The following ADCY7 variants were observed in gnomAD, a reference collection of about 807,000 sequenced individuals.
ADCY7 encodes the protein adenylate cyclase 7.
Under a neutral mutation model 120.6 loss-of-function variants are expected in ADCY7, and 72 were observed. The observed-to-expected ratio is 0.60, with a 90% CI of 0.49 to 0.73. The LOEUF is 0.73. Among genes scored for constraint, ADCY7 ranks in the 30% least tolerant of loss-of-function variants. The pLI, the probability that ADCY7 is intolerant of heterozygous loss-of-function variation, is 0.00. For missense variants in ADCY7, 1,227 were observed against 1,486.0 expected, an observed-to-expected ratio of 0.83 and a Z score of 2.87; for synonymous variants, 661 against 628.0, an observed-to-expected ratio of 1.05 and a Z score of -0.78.
chr16:50,317,627 T>TGTAA lies in ADCY7; in HGVS notation c.*2127_*2130dup, dbSNP rs1418806420. On this transcript the variant is annotated 3_prime_UTR_variant, in exon 26 of 26. Transcript: ENST00000673801. ...GTGCTGTGCTCAGATAATAATAGTT[T>TGTAA]GTAAGTAAAAGTTTTTAGTTTTCAG... The TGTAA allele has an allele frequency of 2.6e-5, 4 of 152,382 alleles. No individual in the cohort carries two copies. The highest frequency in any genetic ancestry group is 5.9e-5 in the Non-Finnish European group (4 of 68,042). 9.4% of individuals were successfully genotyped at this position (152,382 alleles called of 1,614,324 possible). A position where few individuals can be genotyped will look rare whatever the true frequency, so the allele number is the denominator to read the frequency against.
chr16:50,312,218 G>T (rs758885097), intron 21 of ADCY7, 27 bp downstream of exon 21: 4 of 1,612,622 alleles, frequency 2.5e-6, no homozygotes, highest in Admixed American at 3.3e-5. Flanking sequence ...CTGGGGCGGG[G>T]GCAGGGAGGC....
chr16:50,303,429 G>A (rs1274311329), intron 10 of ADCY7, among the ~76,000 whole-genome samples: 1 of 152,142 alleles, frequency 6.6e-6, no homozygotes, highest in Admixed American at 6.5e-5. Context: ...TGGGGCCCTA[G>A]GAGACAGGAC....
upstream of ADCY7, among the ~76,000 whole-genome samples, chr16:50,262,731 T>A (rs73579704): frequency 0.022 from 3,348 of 152,178 alleles, 113 homozygotes; most frequent in African/African-American, 0.077. Flanking sequence ...CAGTTTTGTG[T>A]CCCTAGCACC....
Position 50,308,805 on chromosome 16 carries a change from G to A in ADCY7, c.2061+13G>A. 1.9e-6 allele frequency: 3 copies of A among 1,600,186 alleles called. No homozygotes were observed. Among genetic ancestry groups the A allele is most frequent in the Non-Finnish European group, 2.6e-6 (3 of 1,174,020 alleles). On this transcript the variant is annotated intron_variant, in intron 17 of 25. Coordinates refer to ENST00000673801, the MANE Select transcript of ADCY7 (RefSeq NM_001114.5). ...CATCATCAACCTGGTGGGTCCCGTG[G>A]TGGGGAGGCAGGCCTCCGGGGTAGA...
rs147083789 is a variant in ADCY7, at chr16:50,313,417, AAAC to A, written c.2751+399_2751+401del. 5.7e-3 allele frequency: 1,006 copies of A among 175,866 alleles called. 9 individuals are homozygous for A. The highest frequency in any genetic ancestry group is 0.03 in the Middle Eastern group (11 of 368). 10.9% of individuals were successfully genotyped at this position (175,866 alleles called of 1,614,324 possible). ...GGGCAACAGTACACAACTCTGTCTC[AAAC>A]AACAACAACAACAACAAAAAAAAAA... On this transcript the variant is annotated intron_variant, in intron 22 of 25. Coordinates refer to ENST00000673801, the MANE Select transcript of ADCY7 (RefSeq NM_001114.5).
intron 17 of ADCY7, chr16:50,309,312 C>G (rs2036291430): frequency 1.0e-5 from 5 of 500,810 alleles, no homozygotes; most frequent in Non-Finnish European, 1.8e-5. Flanking sequence ...GCCCCTCCCC[C>G]TGGCTGCTGC....
chr16:50,296,731 T>C (rs1412023455), intron 7 of ADCY7, among the ~76,000 whole-genome samples: 2 of 152,190 alleles, frequency 1.3e-5, no homozygotes, highest in African/African-American at 4.8e-5. Flanking sequence ...AGGCAAGTTA[T>C]GACTTCACAC....
intron 1 of ADCY7, among the ~76,000 whole-genome samples, chr16:50,276,471 C>T (rs1382071675): frequency 1.3e-5 from 2 of 152,240 alleles, no homozygotes; most frequent in African/African-American, 4.8e-5. Context: ...ACACTGCTTG[C>T]ATCACCCCCA....
chr16:50,312,378 G>T (rs1263676291), intron 21 of ADCY7, among the ~76,000 whole-genome samples, 187 bp downstream of exon 21: 1 of 152,190 alleles, frequency 6.6e-6, no homozygotes, highest in Non-Finnish European at 1.5e-5. Context: ...AGGGACCTGG[G>T]CTCAAGTGTG....
Position 50,315,665 on chromosome 16 carries a change from AC to A in ADCY7, c.*162del. ...ACTGGAGGATTTCTCAGACACATGC[AC>A]CAGATTCTGGCTCGAAGCAGCCACT... On this transcript the variant is annotated 3_prime_UTR_variant, in exon 26 of 26. Coordinates refer to ENST00000673801, the MANE Select transcript of ADCY7 (RefSeq NM_001114.5). 1.1e-6 allele frequency: 1 copy of A among 905,054 alleles called. No homozygotes were observed. Among genetic ancestry groups the A allele is most frequent in the Non-Finnish European group, 1.6e-6 (1 of 617,160 alleles). 56.1% of individuals were successfully genotyped at this position (905,054 alleles called of 1,614,324 possible).
chr16:50,292,570 G>T, intron 4 of ADCY7, 106 bp from the exon 5 acceptor site: 1 of 1,408,588 alleles, frequency 7.1e-7, no homozygotes, highest in Non-Finnish European at 9.7e-7. Flanking sequence ...TGGGTTGAAG[G>T]TCAGGGAATG....
At position 50,315,674 on chromosome 16, in the gene ADCY7, T is replaced by C; in HGVS notation, c.*169T>C. 1.2e-6 allele frequency: 1 copy of C among 841,488 alleles called. No individual in the cohort carries two copies. The allele number at this position is 841,488 out of a possible 1,614,324, so 52.1% of individuals were successfully genotyped here. On this transcript the variant is annotated 3_prime_UTR_variant, in exon 26 of 26. Coordinates refer to ENST00000673801, the MANE Select transcript of ADCY7 (RefSeq NM_001114.5). ...TTTCTCAGACACATGCACCAGATTC[T>C]GGCTCGAAGCAGCCACTGAGCCATA...
At chr16:50,253,036 G>A (rs984654598) in intron 1 of ADCY7, among the ~76,000 whole-genome samples, 2 of 152,106 alleles carry the variant, frequency 1.3e-5, no homozygotes, top group African/African-American at 2.4e-5. Flanking sequence ...GTGTGGAGTT[G>A]GGGGTCAGGG....
In ADCY7 at chr16:50,305,638, G is replaced by A. The variant is rs373204658; in HGVS notation, c.1679+52G>A. The A allele has an allele frequency of 3.1e-4, 480 of 1,555,684 alleles. 1 individual carries two copies. In the Middle Eastern group the frequency reaches 7.7e-3, roughly 25 times the overall value. On this transcript the variant is annotated intron_variant, in intron 13 of 25. Coordinates refer to ENST00000673801, the MANE Select transcript of ADCY7 (RefSeq NM_001114.5). The stretch of plus-strand genomic sequence containing the variant: ...CCCTCTCCTCTCCCCCTCGGATAGG[G>A]GTCCCCTATATGGGCAGGCCCATCT...
chr16:50,260,895 C>T (rs1028756809), intron 1 of ADCY7, among the ~76,000 whole-genome samples: 2 of 152,162 alleles, frequency 1.3e-5, no homozygotes, highest in African/African-American at 4.8e-5. Context: ...TCAGAAGCCG[C>T]ATATTGTGGT....
At chr16:50,313,112 C>G in intron 22 of ADCY7, 76 bp downstream of exon 22, 2 of 1,574,788 alleles carry the variant, frequency 1.3e-6, no homozygotes, top group Non-Finnish European at 1.7e-6. Context: ...ACCTGCCATC[C>G]TAAAACCCAA....
At chr16:50,276,534 A>C (rs996314861) in intron 1 of ADCY7, among the ~76,000 whole-genome samples, 4 of 152,202 alleles carry the variant, frequency 2.6e-5, no homozygotes, top group Non-Finnish European at 5.9e-5. Flanking sequence ...CCTTTTGTTA[A>C]AATGAGGAAA....
intron 6 of ADCY7, 41 bp downstream of exon 6, chr16:50,293,543 G>A: frequency 6.2e-7 from 1 of 1,602,932 alleles, no homozygotes; most frequent in Non-Finnish European, 8.5e-7. Context: ...CCGGGGACTG[G>A]GCCCACCGTT....
chr16:50,302,342 C>T (rs562217948), intron 10 of ADCY7, among the ~76,000 whole-genome samples: 1 of 152,188 alleles, frequency 6.6e-6, no homozygotes, highest in African/African-American at 2.4e-5. Flanking sequence ...ATGCCCGGCT[C>T]GAAGCTAGTG....
Sources: gnomAD v4.1 joint callset for allele counts (sites outside exome capture counted in the v4.1 genomes callset) on GRCh38, gnomAD v4.1.1 for gene constraint, MANE v1.5 for transcripts, NCBI Gene and HGNC (gene_info 2026-07-23, HGNC 2026-07-21) for gene names.